Variants in SYT7 observed in about 807,000 individuals in gnomAD.
SYT7 encodes the protein synaptotagmin-7.
SYT7 carries 29 observed loss-of-function variants against 75.1 expected under a neutral mutation model. That is an observed-to-expected ratio of 0.39 (90% CI 0.29 to 0.53). SYT7 has a LOEUF of 0.53. SYT7 is among the 20% of genes least tolerant of loss of function. The pLI, the probability that SYT7 is intolerant of heterozygous loss-of-function variation, is 0.77. For missense variants in SYT7, 693 were observed against 953.2 expected (o/e 0.73, Z 3.59); for synonymous variants, 376 against 401.7 (o/e 0.94, Z 0.76).
chr11:61,571,590 C>A (rs1286029503), intron 1 of SYT7, among the ~76,000 whole-genome samples: 2 of 152,228 alleles, frequency 1.3e-5, no homozygotes, highest in Non-Finnish European at 2.9e-5. Context: ...CTGCCGGCAC[C>A]CCCATCCACA....
rs547600131 is a variant in SYT7, at chr11:61,527,979, C to T, written c.1407G>A (p.Lys469=). Residue 469 remains lysine, a synonymous_variant, in exon 9 of 13, where the codon AAG becomes AAA. Coordinates refer to ENST00000539008, the MANE Select transcript of SYT7 (RefSeq NM_001365809.2). ...KIYLLPDKKH[K]LETKVKRKNL... is the part of the protein sequence containing the mutation. ...TCTTCCGCTTCACCTTGGTCTCCAG[C>T]TTGTGCTTCTTGTCGGGCAGCAGGT... 4 of 1,614,166 alleles carry T rather than the reference C, an allele frequency of 2.5e-6. No homozygotes were observed. The Admixed American group carries it at 5.0e-5, about 20-fold the overall frequency.
chr11:61,573,799 C>A (rs1450446514), intron 1 of SYT7, among the ~76,000 whole-genome samples: 1 of 152,188 alleles, frequency 6.6e-6, no homozygotes, highest in African/African-American at 2.4e-5. Context: ...AACTGCCTCA[C>A]CTCTGCTCGC....
In SYT7 at chr11:61,547,326, G is replaced by A. The variant is rs992401920; in HGVS notation, c.216-18C>T. ...CTAGATCACTGGAGGGGCAGAGAGA[G>A]AGGGGAGAAAACAGGGAGATACAAG... On this transcript the variant is annotated intron_variant, in intron 3 of 12. Coordinates refer to ENST00000539008, the MANE Select transcript of SYT7 (RefSeq NM_001365809.2). 9 of 1,535,142 alleles carry A rather than the reference G, an allele frequency of 5.9e-6. No homozygotes were observed. The highest frequency in any genetic ancestry group is 7.9e-6 in the Non-Finnish European group (9 of 1,146,418).
At chr11:61,575,320 G>A (rs751872124) in intron 1 of SYT7, among the ~76,000 whole-genome samples, 33 of 152,252 alleles carry the variant, frequency 2.2e-4, no homozygotes, top group African/African-American at 7.9e-4. Flanking sequence ...CAGCATCTTT[G>A]GTTTTGTCAC....
At position 61,581,071 on chromosome 11, in the gene SYT7, G is replaced by C; in HGVS notation, c.-251C>G. The C allele has an allele frequency of 2.1e-6, 1 of 465,248 alleles. No homozygotes were observed. Among genetic ancestry groups the C allele is most frequent in the Non-Finnish European group, 2.8e-6 (1 of 357,456 alleles). 28.8% of individuals were successfully genotyped at this position (465,248 alleles called of 1,614,324 possible). A position where few individuals can be genotyped will look rare whatever the true frequency, so the allele number is the denominator to read the frequency against. ...CGCCTCCCTCCGGCCTGCGCGCCGC[G>C]TGTGCGCGCCGGAGCGTGTGTGTGT... On this transcript the variant is annotated 5_prime_UTR_variant, in exon 1 of 13. Coordinates refer to ENST00000539008, the MANE Select transcript of SYT7 (RefSeq NM_001365809.2).
chr11:61,569,555 A>G (rs968430740), intron 1 of SYT7, among the ~76,000 whole-genome samples: 13 of 152,126 alleles, frequency 8.5e-5, no homozygotes, highest in Non-Finnish European at 1.6e-4. Context: ...CATCGCAGGA[A>G]GAAAGGAGGA....
At chr11:61,536,187 C>G (rs969728248) in intron 7 of SYT7, among the ~76,000 whole-genome samples, 8 of 152,134 alleles carry the variant, frequency 5.3e-5, no homozygotes, top group African/African-American at 1.9e-4. Flanking sequence ...GTGGCGAGGG[C>G]ACGCGGCCTC....
intron 2 of SYT7, among the ~76,000 whole-genome samples, chr11:61,554,753 G>C (rs934159640): frequency 1.3e-5 from 2 of 152,196 alleles, no homozygotes; most frequent in African/African-American, 4.8e-5. Context: ...CAGACACAGG[G>C]GACCCAGGAA....
At position 61,518,127 on chromosome 11, in the gene SYT7, C is replaced by G. The variant is rs1282632941; in HGVS notation, c.*500G>C. On this transcript the variant is annotated 3_prime_UTR_variant, in exon 13 of 13. Coordinates refer to ENST00000539008, the MANE Select transcript of SYT7 (RefSeq NM_001365809.2). ...ACCCAGGAGCGGGCTATATACTATC[C>G]TCGACATTCAGGGCCCAGCCGGCAC... is the stretch of plus-strand genomic sequence containing the variant. The G allele has an allele frequency of 1.3e-5, 2 of 158,296 alleles. No individual in the cohort carries two copies. Among genetic ancestry groups the G allele is most frequent in the Non-Finnish European group, 2.8e-5 (2 of 72,294 alleles). The allele number at this position is 158,296 out of a possible 1,614,324, so 9.8% of individuals were successfully genotyped here.
At chr11:61,550,426 C>T (rs886299264) in intron 3 of SYT7, among the ~76,000 whole-genome samples, 6 of 141,424 alleles carry the variant, frequency 4.2e-5, no homozygotes, top group African/African-American at 8.0e-5. Context: ...AGACCAGCAG[C>T]GGGCAGGGGC....
chr11:61,568,719 C>T (rs1004256822), intron 1 of SYT7, among the ~76,000 whole-genome samples: 17 of 152,220 alleles, frequency 1.1e-4, no homozygotes, highest in Non-Finnish European at 2.2e-4. Context: ...CCACTCCAGC[C>T]CCCCACCATC....
At chr11:61,521,214 G>T (rs1399550106) in intron 12 of SYT7, among the ~76,000 whole-genome samples, 1 of 152,244 alleles carries the variant, frequency 6.6e-6, no homozygotes, top group East Asian at 1.9e-4. Flanking sequence ...AGCAGGAGCT[G>T]GGAGTCAGAA....
rs1269704902 is a variant in SYT7, at chr11:61,580,704, A to C, written c.31+86T>G. ...GCGGCTCCGGGCGGACAACAGCCCC[A>C]GGCTGGGGCTCCGAGACGGCGTCCG... On this transcript the variant is annotated intron_variant, in intron 1 of 12. Transcript: ENST00000539008. The surrounding 1 kb of genome is among the most constrained non-coding windows in gnomAD (Gnocchi z 6.1). 1.1e-6 allele frequency: 1 copy of C among 940,644 alleles called. No homozygotes were observed. The highest frequency in any genetic ancestry group is 3.7e-5 in the East Asian group (1 of 27,200). The allele number at this position is 940,644 out of a possible 1,614,324, so 58.3% of individuals were successfully genotyped here. A position where few individuals can be genotyped will look rare whatever the true frequency, so the allele number is the denominator to read the frequency against.
chr11:61,534,282 T>C (rs1216893540), intron 7 of SYT7, among the ~76,000 whole-genome samples: 7 of 152,128 alleles, frequency 4.6e-5, no homozygotes, highest in African/African-American at 1.7e-4. Flanking sequence ...AGCACACAGG[T>C]GACCACGACA....
At chr11:61,534,441 GCACGCA>G (rs1248079518) in intron 7 of SYT7, among the ~76,000 whole-genome samples, 1 of 29,992 alleles carries the variant, frequency 3.3e-5, no homozygotes, top group Non-Finnish European at 6.1e-5. Flanking sequence ...ACACGCACAC[GCACGCA>G]CACACGCACG....
At chr11:61,565,158 G>A (rs929878033) in intron 1 of SYT7, among the ~76,000 whole-genome samples, 1 of 152,144 alleles carries the variant, frequency 6.6e-6, no homozygotes, top group African/African-American at 2.4e-5. Flanking sequence ...CCATCTTTTG[G>A]TGGCTCCCGA....
At chr11:61,536,211 G>A (rs988596222) in intron 7 of SYT7, among the ~76,000 whole-genome samples, 3 of 152,164 alleles carry the variant, frequency 2.0e-5, no homozygotes, top group East Asian at 1.9e-4. Context: ...CCCCACACCC[G>A]CCTTTCCCAG....
chr11:61,564,629 AG>A (rs34385460), intron 1 of SYT7, among the ~76,000 whole-genome samples: 29 of 152,158 alleles, frequency 1.9e-4, no homozygotes, highest in Admixed American at 1.9e-3. Flanking sequence ...GTTCCACCCT[AG>A]GGGAGCCACG....
rs2062105018 is a variant in SYT7 at position 61,514,159 on chromosome 11, G to A, written c.*4468C>T. Reference sequence around the variant, plus strand: ...GTCCAGGGAAGGGCCCGAGCCAGTGGCAAGGGACTGCCCCCTGTGCTGGGC... The same window carrying A: ...GTCCAGGGAAGGGCCCGAGCCAGTGACAAGGGACTGCCCCCTGTGCTGGGC... On this transcript the variant is annotated 3_prime_UTR_variant, in exon 13 of 13. Coordinates refer to ENST00000539008, the MANE Select transcript of SYT7 (RefSeq NM_001365809.2). Among the ~76,000 whole-genome samples the A allele has an allele frequency of 6.6e-6, 1 of 152,230 alleles. No individual in the cohort carries two copies. Among genetic ancestry groups the A allele is most frequent in the Non-Finnish European group, 1.5e-5 (1 of 68,038 alleles).
Sources: gnomAD v4.1 joint callset for allele counts (sites outside exome capture counted in the v4.1 genomes callset) on GRCh38, gnomAD v4.1.1 for gene constraint, Gnocchi (gnomAD v3.1) non-coding constraint, MANE v1.5 for transcripts, NCBI Gene and HGNC (gene_info 2026-07-23, HGNC 2026-07-21) for gene names.